Variants in TOP6BL observed in about 807,000 individuals in gnomAD.
TOP6BL encodes the protein type 2 DNA topoisomerase 6 subunit B-like.
At chr11:66,761,074 A>G in the TOP6BL span, among the ~76,000 whole-genome samples, 4 of 150,826 alleles carry the variant, frequency 2.7e-5, no homozygotes, top group African/African-American at 9.8e-5. Context: ...ATAGATTTGT[A>G]TAGAAAACAA....
the TOP6BL span, among the ~76,000 whole-genome samples, chr11:66,811,290 T>G: frequency 6.6e-6 from 1 of 152,244 alleles, no homozygotes; most frequent in Non-Finnish European, 1.5e-5. Context: ...CCTGAAATGA[T>G]TTCTATCTCT....
chr11:66,816,134 C>T, the TOP6BL span: 1 of 1,607,004 alleles, frequency 6.2e-7, no homozygotes, highest in Non-Finnish European at 8.5e-7. Flanking sequence ...CAAGGACAAA[C>T]TCTGCTGCTT....
the TOP6BL span, among the ~76,000 whole-genome samples, chr11:66,813,675 G>T: frequency 6.6e-6 from 1 of 151,912 alleles, no homozygotes; most frequent in South Asian, 2.1e-4. Context: ...GGAGGTTGCA[G>T]TGAGCTGAGA....
chr11:66,814,038 C>A, the TOP6BL span: 1 of 1,595,206 alleles, frequency 6.3e-7, no homozygotes, highest in East Asian at 2.2e-5. Context: ...TCTTTCTGCA[C>A]AGGAATTAAG....
chr11:66,761,750 G>T, the TOP6BL span: 2 of 775,640 alleles, frequency 2.6e-6, no homozygotes, highest in Non-Finnish European at 4.6e-6. Context: ...TGTGTTGAGT[G>T]TATAGTTAGT....
chr11:66,761,693 G>GC, the TOP6BL span: 14 of 894,456 alleles, frequency 1.6e-5, no homozygotes, highest in Non-Finnish European at 2.5e-5. Context: ...CCCTTGGTCC[G>GC]CAAGGAAATC....
At chr11:66,820,888 TTAGG>T in the TOP6BL span, among the ~76,000 whole-genome samples, 9 of 152,190 alleles carry the variant, frequency 5.9e-5, no homozygotes, top group East Asian at 3.8e-4. Flanking sequence ...TGAGTGGGAA[TTAGG>T]TAGGTGTGTA....
chr11:66,781,296 G>A, the TOP6BL span, among the ~76,000 whole-genome samples: 1 of 151,896 alleles, frequency 6.6e-6, no homozygotes, highest in Non-Finnish European at 1.5e-5. Flanking sequence ...TTTGTCTTCA[G>A]TGATTTTACT....
chr11:66,842,049 T>A, the TOP6BL span, among the ~76,000 whole-genome samples: 1 of 151,788 alleles, frequency 6.6e-6, no homozygotes, highest in Non-Finnish European at 1.5e-5. Context: ...GTAAAAAAAA[T>A]TAGCCGGTGT....
chr11:66,810,902 C>G, the TOP6BL span, among the ~76,000 whole-genome samples: 1 of 151,606 alleles, frequency 6.6e-6, no homozygotes, highest in East Asian at 1.9e-4. Context: ...CCTTCAGGCT[C>G]CAATTACACA....
At chr11:66,768,286 C>T in the TOP6BL span, among the ~76,000 whole-genome samples, 1 of 151,390 alleles carries the variant, frequency 6.6e-6, no homozygotes, top group Non-Finnish European at 1.5e-5. Context: ...TTCTTGTATT[C>T]AAGAATAAAA....
the TOP6BL span, among the ~76,000 whole-genome samples, chr11:66,820,953 G>A: frequency 6.6e-6 from 1 of 152,158 alleles, no homozygotes. Context: ...TGGATATGTA[G>A]GGGTCTCTTC....
chr11:66,788,821 G>T, the TOP6BL span, among the ~76,000 whole-genome samples: 1 of 152,298 alleles, frequency 6.6e-6, no homozygotes, highest in South Asian at 2.1e-4. Context: ...TGCAGTCATA[G>T]CACACTACAG....
chr11:66,791,561 A>G, the TOP6BL span, among the ~76,000 whole-genome samples: 1,647 of 152,306 alleles, frequency 0.011, 37 homozygotes, highest in African/African-American at 0.037. Flanking sequence ...ATAAGGGCTC[A>G]TGACTGTATA....
the TOP6BL span, among the ~76,000 whole-genome samples, chr11:66,792,576 G>C: frequency 6.6e-6 from 1 of 152,204 alleles, no homozygotes; most frequent in Non-Finnish European, 1.5e-5. Context: ...TTTGGAGTTA[G>C]TCAGCTCTAG....
the TOP6BL span, chr11:66,762,348 C>CGGCG: frequency 3.2e-5 from 12 of 374,830 alleles, 1 homozygote; most frequent in Admixed American, 9.4e-5. Flanking sequence ...GTGTGGAAGC[C>CGGCG]GGCGACGCAG....
At chr11:66,838,539 A>G in the TOP6BL span, 6 of 1,149,710 alleles carry the variant, frequency 5.2e-6, no homozygotes, top group Non-Finnish European at 7.5e-6. Flanking sequence ...TGTACCTTCT[A>G]CTACAGCGGC....
the TOP6BL span, among the ~76,000 whole-genome samples, chr11:66,779,210 A>G: frequency 6.6e-6 from 1 of 152,224 alleles, no homozygotes; most frequent in Non-Finnish European, 1.5e-5. Flanking sequence ...AGAAACAACC[A>G]TCAGAGTGAA....
chr11:66,822,420 A>C, the TOP6BL span: 2 of 615,770 alleles, frequency 3.2e-6, no homozygotes, highest in Non-Finnish European at 5.9e-6. Flanking sequence ...ATGTAAAAAT[A>C]TGTGAGGATC....
Sources: gnomAD v4.1 joint callset for allele counts (sites outside exome capture counted in the v4.1 genomes callset) on GRCh38, gnomAD v4.1.1 for gene constraint, MANE v1.5 for transcripts, NCBI Gene and HGNC (gene_info 2026-07-23, HGNC 2026-07-21) for gene names.